Variants in SH3GL2 observed in about 807,000 individuals in gnomAD.
SH3GL2 encodes endophilin-A1.
A neutral mutation model predicts 46.0 loss-of-function variants in SH3GL2; 24 were observed. The observed-to-expected ratio is 0.52, with a 90% confidence interval of 0.38 to 0.73. The LOEUF (loss-of-function observed/expected upper bound fraction) is 0.73, where lower values mean the gene tolerates loss of function less well. Among genes scored for constraint, SH3GL2 ranks in the 30% least tolerant of loss-of-function variants. The pLI, the probability that SH3GL2 is intolerant of heterozygous loss-of-function variation, is 0.00. For synonymous variants in SH3GL2, 196 were observed against 147.1 expected (o/e 1.33, Z -2.40); for missense variants, 413 against 424.2 (o/e 0.97, Z 0.23).
intron 3 of SH3GL2, among the ~76,000 whole-genome samples, chr9:17,770,145 C>G (rs1009090678): frequency 1.3e-5 from 2 of 152,116 alleles, no homozygotes; most frequent in African/African-American, 2.4e-5. Flanking sequence ...GTGTCATGTA[C>G]AATTAGTATA....
intron 1 of SH3GL2, among the ~76,000 whole-genome samples, chr9:17,628,446 GTGTGTGTA>G (rs1554631870): frequency 7.2e-6 from 1 of 138,508 alleles, no homozygotes; most frequent in Admixed American, 7.4e-5. Context: ...GTGTGTGTGT[GTGTGTGTA>G]TGTGCATGCA....
intron 2 of SH3GL2, among the ~76,000 whole-genome samples, chr9:17,748,894 A>C (rs980042175): frequency 6.6e-6 from 1 of 152,188 alleles, no homozygotes; most frequent in Non-Finnish European, 1.5e-5. Context: ...AGGAAACAGC[A>C]TGCAAGCAGG....
At chr9:17,667,571 ATTTATAATGTTTCCAC>A (rs1820378055) in intron 1 of SH3GL2, among the ~76,000 whole-genome samples, 1 of 152,188 alleles carries the variant, frequency 6.6e-6, no homozygotes, top group Non-Finnish European at 1.5e-5. Flanking sequence ...TCAGTTGGAC[ATTTATAATGTTTCCAC>A]TTTTTGGCTA....
intron 3 of SH3GL2, among the ~76,000 whole-genome samples, chr9:17,768,962 TCTCG>T (rs1170717392): frequency 6.6e-6 from 1 of 152,214 alleles, no homozygotes; most frequent in African/African-American, 2.4e-5. Context: ...GCTGTCTCCA[TCTCG>T]CTCCTTCTGA....
intron 1 of SH3GL2, among the ~76,000 whole-genome samples, chr9:17,717,523 A>G (rs1341068576): frequency 2.0e-5 from 3 of 152,062 alleles, no homozygotes; most frequent in Admixed American, 6.6e-5. Context: ...AAAATGTGCT[A>G]TTTATTTTAA....
intron 1 of SH3GL2, among the ~76,000 whole-genome samples, chr9:17,665,774 G>A (rs1164036562): frequency 1.3e-5 from 2 of 151,376 alleles, no homozygotes; most frequent in African/African-American, 4.9e-5. Flanking sequence ...GGTGCTAGAT[G>A]TGCTTATTGC....
chr9:17,671,770 G>A (rs1369882056), intron 1 of SH3GL2, among the ~76,000 whole-genome samples: 1 of 152,202 alleles, frequency 6.6e-6, no homozygotes, highest in Non-Finnish European at 1.5e-5. Flanking sequence ...AAGCTGAAAT[G>A]TAATTTCACA....
chr9:17,582,577 G>A (rs1270709366), intron 1 of SH3GL2, among the ~76,000 whole-genome samples: 4 of 152,158 alleles, frequency 2.6e-5, no homozygotes, highest in African/African-American at 9.7e-5. Context: ...CATATGATGT[G>A]GACACATTTT....
At chr9:17,595,221 T>C (rs534995153) in intron 1 of SH3GL2, among the ~76,000 whole-genome samples, 2 of 152,322 alleles carry the variant, frequency 1.3e-5, no homozygotes, top group Admixed American at 1.3e-4. Flanking sequence ...AGTCCTATTG[T>C]CACCTTATAT....
intron 1 of SH3GL2, among the ~76,000 whole-genome samples, chr9:17,696,322 T>G (rs1821200731): frequency 6.6e-6 from 1 of 152,242 alleles, no homozygotes; most frequent in African/African-American, 2.4e-5. Flanking sequence ...GCTAATTGAC[T>G]GTGAAGAAAA....
At chr9:17,729,114 T>C (rs1642320749) in intron 1 of SH3GL2, among the ~76,000 whole-genome samples, 1 of 152,192 alleles carries the variant, frequency 6.6e-6, no homozygotes, top group Non-Finnish European at 1.5e-5. Flanking sequence ...TTTCTCCATA[T>C]CCTCTCCAGC....
At chr9:17,770,565 G>T (rs1310209737) in intron 3 of SH3GL2, among the ~76,000 whole-genome samples, 1 of 152,064 alleles carries the variant, frequency 6.6e-6, no homozygotes, top group African/African-American at 2.4e-5. Flanking sequence ...AAAGGTAATG[G>T]AATCAACTAC....
chr9:17,664,341 A>G (rs1281359822), intron 1 of SH3GL2, among the ~76,000 whole-genome samples: 1 of 152,176 alleles, frequency 6.6e-6, no homozygotes, highest in African/African-American at 2.4e-5. Context: ...ATAAAATCAA[A>G]TCAAGGTGAT....
chr9:17,662,483 C>T (rs74791356), intron 1 of SH3GL2, among the ~76,000 whole-genome samples: 2,574 of 152,066 alleles, frequency 0.017, 37 homozygotes, highest in Non-Finnish European at 0.029. Flanking sequence ...CCTTTGGCCT[C>T]GTTGTTATTA....
chr9:17,764,657 T>A (rs1284684307), intron 3 of SH3GL2, among the ~76,000 whole-genome samples: 3 of 147,554 alleles, frequency 2.0e-5, no homozygotes, highest in Non-Finnish European at 4.5e-5. Flanking sequence ...TACATCTGTA[T>A]TAGATTACTG....
intron 1 of SH3GL2, among the ~76,000 whole-genome samples, chr9:17,669,953 C>T (rs1359877925): frequency 1.3e-5 from 2 of 152,110 alleles, no homozygotes; most frequent in Non-Finnish European, 2.9e-5. Flanking sequence ...GGGTTGCCAT[C>T]CTGTAGTGAA....
chr9:17,646,831 C>T lies in SH3GL2; in HGVS notation c.45+67544C>T, dbSNP rs187823188. Among the ~76,000 whole-genome samples the T allele has an allele frequency of 4.6e-5, 7 of 152,296 alleles. No individual in the cohort carries two copies. In the East Asian group the frequency reaches 1.4e-3, roughly 29 times the overall value. On this transcript the variant is annotated intron_variant, in intron 1 of 8. Transcript: ENST00000380607. ...GTCGACCCCTGCTGGGAGATGTCTCCCCATCAGGAGGCACAGGGGTCAGGG... is the reference window on the plus strand; with the variant it reads ...GTCGACCCCTGCTGGGAGATGTCTCTCCATCAGGAGGCACAGGGGTCAGGG...
chr9:17,787,588 CAT>C, intron 5 of SH3GL2, 75 bp downstream of exon 5: 1 of 1,277,302 alleles, frequency 7.8e-7, no homozygotes, highest in Admixed American at 1.8e-5. Flanking sequence ...CTTTAGAAAA[CAT>C]TTTTTTAGCT....
At chr9:17,736,561 G>A (rs1199802967) in intron 1 of SH3GL2, among the ~76,000 whole-genome samples, 1 of 152,098 alleles carries the variant, frequency 6.6e-6, no homozygotes, top group Non-Finnish European at 1.5e-5. Flanking sequence ...GCTTCCTTTG[G>A]CTTAGGAAGG....
Sources: gnomAD v4.1 joint callset for allele counts (sites outside exome capture counted in the v4.1 genomes callset) on GRCh38, gnomAD v4.1.1 for gene constraint, MANE v1.5 for transcripts, NCBI Gene and HGNC (gene_info 2026-07-23, HGNC 2026-07-21) for gene names.